The following ZNF805 variants were observed in gnomAD, a reference collection of about 807,000 sequenced individuals.
The protein encoded by ZNF805 is zinc finger protein 805.
In ZNF805, 7 loss-of-function variants were observed where a neutral mutation model predicts 13.6. The ratio of observed to expected loss-of-function variants is 0.51; its 90% CI spans 0.29 to 0.97. ZNF805 has a LOEUF of 0.97. ZNF805 is among the 50% of genes least tolerant of loss of function. The pLI is 0.08. For missense variants in ZNF805, 604 were observed against 771.0 expected (o/e 0.78, Z 2.57); for synonymous variants, 293 against 279.8 (o/e 1.05, Z -0.47).
intron 2 of ZNF805, among the ~76,000 whole-genome samples, chr19:57,247,651 A>G (rs920368327): frequency 2.0e-5 from 3 of 152,126 alleles, no homozygotes; most frequent in Admixed American, 6.5e-5. Flanking sequence ...CACCAGTACT[A>G]TTACCGTCGT....
At chr19:57,242,771 A>G (rs1038618981) in intron 1 of ZNF805, among the ~76,000 whole-genome samples, 1 of 152,226 alleles carries the variant, frequency 6.6e-6, no homozygotes, top group Admixed American at 6.5e-5. Flanking sequence ...AGCTGCTAAA[A>G]TAGATTAAAT....
intron 1 of ZNF805, among the ~76,000 whole-genome samples, chr19:57,243,110 G>A (rs1429602545): frequency 1.3e-5 from 2 of 152,160 alleles, no homozygotes; most frequent in Non-Finnish European, 2.9e-5. Flanking sequence ...CAGCTACTTG[G>A]GCGGCTAAGG....
chr19:57,251,464 A>G (rs2087651471), intron 3 of ZNF805, among the ~76,000 whole-genome samples: 1 of 152,056 alleles, frequency 6.6e-6, no homozygotes, highest in South Asian at 2.1e-4. Context: ...TTTTTCAATT[A>G]ACTTCTTTGG....
rs574266440 is a variant in ZNF805, at chr19:57,245,727, T to C, written c.157+1678T>C. Among the ~76,000 whole-genome samples, 223 of 150,230 alleles carry C rather than the reference T, an allele frequency of 1.5e-3. 5 individuals are homozygous for C. The highest frequency in any genetic ancestry group is 6.9e-3 in the Middle Eastern group (2 of 290). ...CCAGGAGGCGGAGCTTGCAGTGAGC[T>C]GAGATTGCACCACTGCACTCCAGCC... On this transcript the variant is annotated intron_variant, in intron 2 of 3. Transcript: ENST00000414468.
intron 2 of ZNF805, among the ~76,000 whole-genome samples, chr19:57,248,127 G>A (rs144716804): frequency 4.0e-5 from 6 of 151,890 alleles, no homozygotes; most frequent in Non-Finnish European, 2.9e-5. Context: ...CGGAGATCGC[G>A]CCACTGCACT....
At position 57,256,455 on chromosome 19, in the gene ZNF805, C is replaced by A. The variant is rs189041451; in HGVS notation, c.*1752C>A. ...GCTTTCTCCAGTGAAGAAGTGGGAC[C>A]TGGAGATTTTCCTTTTGAATGCTTT... On this transcript the variant is annotated 3_prime_UTR_variant, in exon 4 of 4. Transcript: ENST00000414468. Among the ~76,000 whole-genome samples, 233 of 152,176 alleles carry A rather than the reference C, an allele frequency of 1.5e-3. 4 individuals are homozygous for A. Among genetic ancestry groups the A allele is most frequent in the Admixed American group, 0.015 (229 of 15,294 alleles).
intron 1 of ZNF805, among the ~76,000 whole-genome samples, chr19:57,242,814 A>T (rs893448198): frequency 6.6e-6 from 1 of 152,340 alleles, no homozygotes; most frequent in Non-Finnish European, 1.5e-5. Flanking sequence ...TCACAACTGT[A>T]TTATAGTAGA....
At chr19:57,247,129 C>T (rs1461846149) in intron 2 of ZNF805, among the ~76,000 whole-genome samples, 3 of 151,934 alleles carry the variant, frequency 2.0e-5, no homozygotes, top group Admixed American at 6.6e-5. Flanking sequence ...CACACCTTAC[C>T]GTCTCCAGTA....
At chr19:57,241,216 C>T (rs917841552) in intron 1 of ZNF805, among the ~76,000 whole-genome samples, 3 of 152,236 alleles carry the variant, frequency 2.0e-5, no homozygotes, top group East Asian at 3.9e-4. Context: ...ACTCTGGAAG[C>T]CAGTCTGCCT....
Position 57,256,929 on chromosome 19 carries a change from G to C in ZNF805, c.*2226G>C, listed in dbSNP as rs1294639352. Among the ~76,000 whole-genome samples, 2 of 151,892 alleles carry C rather than the reference G, an allele frequency of 1.3e-5. No individual in the cohort carries two copies. Among genetic ancestry groups the C allele is most frequent in the East Asian group, 3.9e-4 (2 of 5,188 alleles). On this transcript the variant is annotated 3_prime_UTR_variant, in exon 4 of 4. Coordinates refer to ENST00000414468, the MANE Select transcript of ZNF805 (RefSeq NM_001023563.4). ...TTTTCTTTTTTAATATAAGCTTTAAGTTCTATACATTTTTCTTACACTGCT... is the reference window on the plus strand; with the variant it reads ...TTTTCTTTTTTAATATAAGCTTTAACTTCTATACATTTTTCTTACACTGCT...
chr19:57,241,925 G>T (rs1422573677), intron 1 of ZNF805, among the ~76,000 whole-genome samples: 1 of 152,178 alleles, frequency 6.6e-6, no homozygotes, highest in Non-Finnish European at 1.5e-5. Context: ...TTTGTATAGA[G>T]AATCTGGCAA....
intron 1 of ZNF805, among the ~76,000 whole-genome samples, chr19:57,241,519 G>C (rs1171197596): frequency 6.6e-6 from 1 of 152,164 alleles, no homozygotes; most frequent in East Asian, 1.9e-4. Context: ...TTCCACTCCA[G>C]GGACTCCCGT....
chr19:57,258,436 G>A lies in ZNF805; in HGVS notation c.*3733G>A. 1.6e-5 allele frequency among the ~76,000 whole-genome samples: 1 copy of A among 63,318 alleles called. No homozygotes were observed. The highest frequency in any genetic ancestry group is 1.5e-4 in the Admixed American group (1 of 6,838). The allele number at this position is 63,318 out of a possible 152,430, so 41.5% of individuals were successfully genotyped here. A position where few individuals can be genotyped will look rare whatever the true frequency, so the allele number is the denominator to read the frequency against. The stretch of plus-strand genomic sequence containing the variant: ...TGTTGCTTCTTTCTTGGTTTGTTTG[G>A]GTTTTTTTTTTTTTGTCTTTAACAT... On this transcript the variant is annotated 3_prime_UTR_variant, in exon 4 of 4. Coordinates refer to ENST00000414468, the MANE Select transcript of ZNF805 (RefSeq NM_001023563.4).
In ZNF805 at chr19:57,260,205, C is replaced by A. The variant is rs575799666; in HGVS notation, c.*5502C>A. Among the ~76,000 whole-genome samples the A allele has an allele frequency of 3.3e-5, 5 of 152,292 alleles. No individual in the cohort carries two copies. The highest frequency in any genetic ancestry group is 5.9e-5 in the Non-Finnish European group (4 of 68,022). On this transcript the variant is annotated 3_prime_UTR_variant, in exon 4 of 4. Coordinates refer to ENST00000414468, the MANE Select transcript of ZNF805 (RefSeq NM_001023563.4). Reference sequence around the variant, plus strand: ...AACCAAACTTGTCTAAGTCCTCTGTCTTTCATACTCTTGTTTAGTCTTTAA... The same window carrying A: ...AACCAAACTTGTCTAAGTCCTCTGTATTTCATACTCTTGTTTAGTCTTTAA...
At chr19:57,248,569 C>G in intron 2 of ZNF805, 36 bp from the exon 3 acceptor site, 6 of 1,509,600 alleles carry the variant, frequency 4.0e-6, no homozygotes, top group Non-Finnish European at 5.4e-6. Context: ...TCTTTTCACC[C>G]ACATCCATGT....
Position 57,254,521 on chromosome 19 carries a change from A to G in ZNF805, c.1702A>G (p.Ser568Gly), listed in dbSNP as rs2087674906. ...GATGCATACTGGGAGAAATCCTATC[A>G]GTGTAACAGATGTGGGAAGACCTTT... ...QRMHTGRNPI[S>G]VTDVGRPFTS... Residue 568 changes from serine (S) to glycine (G), a missense_variant, in exon 4 of 4, where the codon AGT (serine) becomes GGT (glycine). Around this residue, in one of 3 missense-constraint regions of ZNF805, gnomAD observed 228 missense variants for 352.8 expected, o/e 0.65. Coordinates refer to ENST00000414468, the MANE Select transcript of ZNF805 (RefSeq NM_001023563.4). 2 of 1,614,128 alleles carry G rather than the reference A, an allele frequency of 1.2e-6. No homozygotes were observed. Among genetic ancestry groups the G allele is most frequent in the Non-Finnish European group, 1.7e-6 (2 of 1,180,046 alleles).
chr19:57,252,687 T>A (rs753093015), intron 3 of ZNF805, among the ~76,000 whole-genome samples: 1 of 152,226 alleles, frequency 6.6e-6, no homozygotes, highest in Non-Finnish European at 1.5e-5. Context: ...TCAGCTGATA[T>A]CTTGTGGCTC....
At chr19:57,250,002 C>G (rs566332601) in intron 3 of ZNF805, among the ~76,000 whole-genome samples, 32 of 152,300 alleles carry the variant, frequency 2.1e-4, no homozygotes, top group Admixed American at 1.7e-3. Flanking sequence ...AAGCACAAAA[C>G]TCAACATGCC....
chr19:57,246,042 A>T (rs933058868), intron 2 of ZNF805, among the ~76,000 whole-genome samples: 7 of 152,204 alleles, frequency 4.6e-5, no homozygotes, highest in African/African-American at 1.7e-4. Context: ...TCTCCTTAGC[A>T]TTTGAGGAAA....
Sources: gnomAD v4.1 joint callset for allele counts (sites outside exome capture counted in the v4.1 genomes callset) on GRCh38, gnomAD v4.1.1 for gene constraint, gnomAD v4.1.1 regional missense constraint, MANE v1.5 for transcripts, NCBI Gene and HGNC (gene_info 2026-07-23, HGNC 2026-07-21) for gene names.